Variants in HADHA observed in about 807,000 individuals in gnomAD.
HADHA encodes the protein trifunctional enzyme subunit alpha, mitochondrial.
A neutral mutation model predicts 91.3 loss-of-function variants in HADHA; 59 were observed. The ratio of observed to expected loss-of-function variants is 0.65; its 90% CI spans 0.52 to 0.80. The LOEUF (loss-of-function observed/expected upper bound fraction) is 0.80. HADHA is among the 30% of genes least tolerant of loss of function. HADHA has a pLI of 0.00. For synonymous variants in HADHA, 320 were observed against 338.9 expected (o/e 0.94, Z 0.61); for missense variants, 800 against 927.6 (o/e 0.86, Z 1.79).
intron 10 of HADHA, 35 bp from the exon 11 acceptor site, chr2:26,209,924 T>G (rs1482998982): frequency 9.3e-7 from 1 of 1,075,342 alleles, no homozygotes; most frequent in South Asian, 1.2e-5. Context: ...AAGGTAGAAC[T>G]TCACAGTCTA....
chr2:26,212,417 C>T, intron 10 of HADHA, 153 bp downstream of exon 10: 1 of 686,752 alleles, frequency 1.5e-6, no homozygotes, highest in Middle Eastern at 3.5e-4. Flanking sequence ...TCCACTTGCT[C>T]ACTGAGATTA....
chr2:26,206,314 T>G (rs78486071), intron 11 of HADHA, among the ~76,000 whole-genome samples: 1 of 151,598 alleles, frequency 6.6e-6, no homozygotes, highest in African/African-American at 2.4e-5. Flanking sequence ...TTGCAACCTC[T>G]GCCTCCCAGG....
intron 7 of HADHA, among the ~76,000 whole-genome samples, chr2:26,227,960 C>T (rs142785204): frequency 6.6e-6 from 1 of 151,878 alleles, no homozygotes; most frequent in Non-Finnish European, 1.5e-5. Flanking sequence ...GGACTACAGG[C>T]ATGTGCCACC....
chr2:26,200,944 G>C (rs542850751), intron 13 of HADHA, among the ~76,000 whole-genome samples: 3 of 152,108 alleles, frequency 2.0e-5, no homozygotes, highest in Non-Finnish European at 4.4e-5. Flanking sequence ...ATATCGGCCA[G>C]TCTGGTCTCG....
rs758726265 is a variant in HADHA at position 26,201,217 on chromosome 2, C to G, written c.1324G>C (p.Asp442His). 8.1e-6 allele frequency: 13 copies of G among 1,613,628 alleles called. 1 individual carries two copies. In the East Asian group the frequency reaches 2.9e-4, roughly 36 times the overall value. Residue 442 changes from aspartate (D) to histidine (H), a missense_variant, in exon 13 of 20, where the codon GAC (aspartate) becomes CAC (histidine). By Grantham distance (81) the Asp-to-His change is moderately conservative. Coordinates refer to ENST00000380649, the MANE Select transcript of HADHA (RefSeq NM_000182.5). ...QLDYQGFEKA[D>H]MVIEAVFEDL... ...TCAAACACAGCTTCAATCACCATGT[C>G]GGCCTTTTCAAAACCTTGGTAATCA...
intron 10 of HADHA, chr2:26,211,828 T>C (rs1429173569): frequency 6.6e-6 from 1 of 152,262 alleles, no homozygotes; most frequent in Admixed American, 6.5e-5. Flanking sequence ...CGTCTTTTAG[T>C]GGGTACAAGA....
chr2:26,243,528 G>A (rs1373875100), intron 1 of HADHA, among the ~76,000 whole-genome samples: 3 of 151,836 alleles, frequency 2.0e-5, no homozygotes, highest in Non-Finnish European at 4.4e-5. Context: ...AAAAAAGGGA[G>A]CAGAAAAATA....
chr2:26,236,317 T>C (rs1476650823), intron 4 of HADHA, among the ~76,000 whole-genome samples: 1 of 150,402 alleles, frequency 6.6e-6, no homozygotes, highest in Non-Finnish European at 1.5e-5. Context: ...AAACAAGGGG[T>C]GAGATTTCTC....
intron 9 of HADHA, among the ~76,000 whole-genome samples, chr2:26,212,897 T>G (rs149749866): frequency 2.6e-5 from 4 of 152,348 alleles, no homozygotes; most frequent in African/African-American, 9.6e-5. Flanking sequence ...GATCTTCAAA[T>G]GTAGGCAGAT....
chr2:26,232,914 C>A (rs1361215647), intron 5 of HADHA, among the ~76,000 whole-genome samples: 1 of 149,868 alleles, frequency 6.7e-6, no homozygotes, highest in African/African-American at 2.4e-5. Context: ...CAGTCCCCAA[C>A]CTTTTTGACG....
At chr2:26,213,698 A>T (rs1276456130) in intron 9 of HADHA, among the ~76,000 whole-genome samples, 1 of 152,172 alleles carries the variant, frequency 6.6e-6, no homozygotes, top group Non-Finnish European at 1.5e-5. Flanking sequence ...ATCTGGCATT[A>T]ATCTTATGCT....
chr2:26,242,047 G>C (rs890327813), intron 1 of HADHA, among the ~76,000 whole-genome samples: 2 of 151,990 alleles, frequency 1.3e-5, no homozygotes, highest in African/African-American at 4.8e-5. Flanking sequence ...GATTACAGAC[G>C]TGTGCCACCA....
chr2:26,207,633 G>C (rs1670001915), intron 11 of HADHA, among the ~76,000 whole-genome samples: 1 of 152,134 alleles, frequency 6.6e-6, no homozygotes, highest in Non-Finnish European at 1.5e-5. Flanking sequence ...TTACCCAGCA[G>C]GCTAACATCT....
At chr2:26,205,522 T>TA (rs949202392) in intron 11 of HADHA, among the ~76,000 whole-genome samples, 2 of 152,202 alleles carry the variant, frequency 1.3e-5, no homozygotes, top group African/African-American at 4.8e-5. Flanking sequence ...ACATCAAAAT[T>TA]AAAAATTTCT....
At chr2:26,195,675 C>A (rs1402286086) in intron 14 of HADHA, among the ~76,000 whole-genome samples, 2 of 152,124 alleles carry the variant, frequency 1.3e-5, no homozygotes, top group African/African-American at 2.4e-5. Flanking sequence ...ATGGGTCTCA[C>A]CACCAGGATA....
At chr2:26,235,046 T>G (rs1368490813) in intron 4 of HADHA, 1 of 152,312 alleles carries the variant, frequency 6.6e-6, no homozygotes, top group Non-Finnish European at 1.5e-5. Flanking sequence ...TGGTGGCTCA[T>G]GCCTGTAATC....
intron 14 of HADHA, among the ~76,000 whole-genome samples, chr2:26,197,043 T>G (rs1299543004): frequency 6.6e-6 from 1 of 152,252 alleles, no homozygotes. Context: ...GTATTAACAC[T>G]TTCAGCTGCT....
chr2:26,234,231 C>G lies in HADHA; in HGVS notation c.439G>C (p.Gly147Arg). ...AATATCTATACCTCAAGTCCTCCTC[C>G]CAGGCAGGATCCATTGATGGCAGCC... ...IVAAINGSCL[G>R]GGLEVAISCQ... is the part of the protein sequence containing the mutation. The change falls in exon 5 of 20, where the codon GGA (glycine) becomes CGA (arginine). Residue 147 changes from glycine (G) to arginine (R), a missense_variant. Physicochemically the swap from Gly to Arg is moderately radical, Grantham distance 125. Coordinates refer to ENST00000380649, the MANE Select transcript of HADHA (RefSeq NM_000182.5). The G allele has an allele frequency of 6.2e-7, 1 of 1,613,964 alleles. No homozygotes were observed. Among genetic ancestry groups the G allele is most frequent in the Non-Finnish European group, 8.5e-7 (1 of 1,179,844 alleles).
intron 3 of HADHA, among the ~76,000 whole-genome samples, chr2:26,237,293 G>GA (rs542969690): frequency 6.6e-6 from 1 of 151,978 alleles, no homozygotes; most frequent in East Asian, 1.9e-4. Context: ...TATTGGCATG[G>GA]AAAAAATCTG....
Sources: gnomAD v4.1 joint callset for allele counts (sites outside exome capture counted in the v4.1 genomes callset) on GRCh38, gnomAD v4.1.1 for gene constraint, MANE v1.5 for transcripts, NCBI Gene and HGNC (gene_info 2026-07-23, HGNC 2026-07-21) for gene names.